Variants in GPM6A observed in about 807,000 individuals in gnomAD.
GPM6A encodes neuronal membrane glycoprotein M6-a.
In GPM6A, 7 loss-of-function variants were observed where a neutral mutation model predicts 32.1. The observed-to-expected ratio is 0.22, with a 90% CI of 0.12 to 0.41. The LOEUF is 0.41. Among genes scored for constraint, GPM6A ranks in the 10% least tolerant of loss-of-function variants. The pLI is 1.00. For synonymous variants in GPM6A, 130 were observed against 123.4 expected (o/e 1.05, Z -0.35); for missense variants, 235 against 347.2 (o/e 0.68, Z 2.57).
chr4:175,994,899 C>T (rs891418284), intron 1 of GPM6A, among the ~76,000 whole-genome samples: 2 of 152,162 alleles, frequency 1.3e-5, no homozygotes, highest in East Asian at 3.8e-4. Flanking sequence ...ACTCTAGAAC[C>T]TTTGTTGTCA....
chr4:175,802,562 A>G (rs950226218), intron 1 of GPM6A, among the ~76,000 whole-genome samples: 5 of 152,134 alleles, frequency 3.3e-5, no homozygotes, highest in African/African-American at 1.2e-4. Context: ...GCTATTTTTT[A>G]AATTCATTAC....
At chr4:175,791,342 A>G (rs954032183) in intron 1 of GPM6A, among the ~76,000 whole-genome samples, 1 of 152,202 alleles carries the variant, frequency 6.6e-6, no homozygotes, top group Non-Finnish European at 1.5e-5. Context: ...AATTAGTAGA[A>G]GCATAGACAT....
intron 1 of GPM6A, among the ~76,000 whole-genome samples, chr4:175,865,091 G>A (rs150457867): frequency 9.9e-5 from 15 of 152,160 alleles, no homozygotes; most frequent in Non-Finnish European, 1.3e-4. Flanking sequence ...GATTACAGGC[G>A]TGAGTCACTG....
intron 1 of GPM6A, among the ~76,000 whole-genome samples, chr4:175,915,696 A>C (rs770037653): frequency 2.6e-5 from 4 of 152,194 alleles, no homozygotes; most frequent in Non-Finnish European, 4.4e-5. Context: ...GATAAATGCA[A>C]ATCAGTACAA....
intron 1 of GPM6A, among the ~76,000 whole-genome samples, chr4:175,724,607 G>T (rs575342807): frequency 2.0e-5 from 3 of 152,160 alleles, no homozygotes; most frequent in Admixed American, 1.3e-4. Flanking sequence ...AGACGCTGGG[G>T]GTGGGCAGAA....
intron 1 of GPM6A, among the ~76,000 whole-genome samples, chr4:175,994,097 A>C (rs1435152975): frequency 1.3e-5 from 2 of 152,208 alleles, no homozygotes; most frequent in Non-Finnish European, 2.9e-5. Flanking sequence ...GACAGCTGAC[A>C]GGCATAGATA....
intron 1 of GPM6A, among the ~76,000 whole-genome samples, chr4:175,769,059 C>T (rs1359921025): frequency 6.6e-6 from 1 of 152,110 alleles, no homozygotes; most frequent in South Asian, 2.1e-4. Context: ...TCTACCACTG[C>T]ACTCCAGCCT....
At chr4:175,799,217 C>T (rs539206297) in intron 1 of GPM6A, among the ~76,000 whole-genome samples, 54 of 152,272 alleles carry the variant, frequency 3.5e-4, no homozygotes, top group African/African-American at 1.2e-3. Context: ...TAGGGAGCTC[C>T]AGTCAGCTGC....
intron 1 of GPM6A, among the ~76,000 whole-genome samples, chr4:175,760,736 TAG>T (rs145004954): frequency 1.3e-3 from 197 of 147,508 alleles, no homozygotes; most frequent in Middle Eastern, 3.5e-3. Context: ...TGGATGCAGG[TAG>T]AGAGAGAGAG....
intron 1 of GPM6A, 194 bp downstream of exon 1, chr4:175,811,997 T>C (rs1734938230): frequency 3.8e-6 from 2 of 526,392 alleles, no homozygotes; most frequent in South Asian, 6.3e-5. Flanking sequence ...GGTACTTATA[T>C]CTGAAAGATT....
exon 1 of GPM6A, chr4:176,002,323 C>A (rs780957768): frequency 7.5e-6 from 12 of 1,592,948 alleles, no homozygotes; most frequent in Non-Finnish European, 8.5e-6. Context: ...GGCCCGAGGT[C>A]CTGCTTCTCT....
chr4:175,976,921 A>T (rs1466911700), intron 1 of GPM6A, among the ~76,000 whole-genome samples: 1 of 152,202 alleles, frequency 6.6e-6, no homozygotes, highest in Non-Finnish European at 1.5e-5. Flanking sequence ...AAACAAATAG[A>T]CAACCCTGCA....
intron 1 of GPM6A, among the ~76,000 whole-genome samples, chr4:175,706,584 G>A (rs1294811450): frequency 6.6e-6 from 1 of 152,018 alleles, no homozygotes; most frequent in African/African-American, 2.4e-5. Context: ...CCTGACCTAC[G>A]TCATTTTTGT....
At chr4:175,823,462 G>C (rs562656557) in intron 1 of GPM6A, among the ~76,000 whole-genome samples, 1 of 152,186 alleles carries the variant, frequency 6.6e-6, no homozygotes, top group Non-Finnish European at 1.5e-5. Flanking sequence ...AAGTGCAAGA[G>C]AGAAAGAAAA....
chr4:175,865,681 G>T (rs1196377697), intron 1 of GPM6A, among the ~76,000 whole-genome samples: 2 of 152,008 alleles, frequency 1.3e-5, no homozygotes, highest in East Asian at 3.9e-4. Flanking sequence ...CATATTTTGT[G>T]ATGCTATTAC....
At chr4:175,864,166 T>G (rs1160409081) in intron 1 of GPM6A, among the ~76,000 whole-genome samples, 1 of 152,106 alleles carries the variant, frequency 6.6e-6, no homozygotes, top group Non-Finnish European at 1.5e-5. Flanking sequence ...CATGTGCCAT[T>G]TGTTTTTGTT....
intron 1 of GPM6A, among the ~76,000 whole-genome samples, chr4:175,854,752 G>A (rs1736365888): frequency 6.6e-6 from 1 of 152,168 alleles, no homozygotes; most frequent in Non-Finnish European, 1.5e-5. Flanking sequence ...GTAGCCGAGG[G>A]AATAGAGCTG....
At chr4:175,945,130 G>A (rs184396925) in intron 1 of GPM6A, among the ~76,000 whole-genome samples, 23 of 152,104 alleles carry the variant, frequency 1.5e-4, no homozygotes, top group Admixed American at 9.2e-4. Context: ...AGCCAAGTAC[G>A]TGAGTGTGAA....
chr4:175,750,892 A>G lies in GPM6A; in HGVS notation c.38-49125T>C, dbSNP rs188742649. 1.8e-3 allele frequency among the ~76,000 whole-genome samples: 267 copies of G among 152,256 alleles called. 1 individual carries two copies. The highest frequency in any genetic ancestry group is 3.2e-3 in the Non-Finnish European group (218 of 68,012). ...TGAGGCTATTTTACTACAGCCTCCT[A>G]ACTAAAGCTTTTAAAATAGTTCCAG... On this transcript the variant is annotated intron_variant, in intron 1 of 6. Transcript: ENST00000393658.
Sources: allele counts gnomAD v4.1 joint callset (sites outside exome capture counted in the v4.1 genomes callset), GRCh38; gene constraint gnomAD v4.1.1; transcripts MANE v1.5; gene names NCBI Gene and HGNC (gene_info 2026-07-23, HGNC 2026-07-21).